Variants in AFF3 observed in about 807,000 individuals in gnomAD.
AFF3 encodes AF4/FMR2 family member 3.
In AFF3, 32 loss-of-function variants were observed where a neutral mutation model predicts 129.7. That is an observed-to-expected ratio of 0.25 (90% CI 0.19 to 0.33). The LOEUF (loss-of-function observed/expected upper bound fraction) is 0.33, where lower values mean the gene tolerates loss of function less well. Ranked by LOEUF, AFF3 falls within the 10% of genes least tolerant of loss-of-function variation. The pLI, the probability that AFF3 is intolerant of heterozygous loss-of-function variation, is 1.00. For synonymous variants in AFF3, 644 were observed against 635.4 expected (o/e 1.01, Z -0.20); for missense variants, 1,373 against 1,592.0 (o/e 0.86, Z 2.34).
Position 100,085,727 on chromosome 2 carries a change from C to T in AFF3, c.53+18675G>A, listed in dbSNP as rs182357371. On this transcript the variant is annotated intron_variant, in intron 4 of 24. Coordinates refer to ENST00000672756, the MANE Select transcript of AFF3 (RefSeq NM_001386135.1). ...GGCTGGAAAGATGATCTCTAAGGTT[C>T]CTTCCAGACAGATCTAACAGTCCAA... Among the ~76,000 whole-genome samples the T allele has an allele frequency of 5.0e-3, 763 of 152,212 alleles. 5 individuals are homozygous for T. Among genetic ancestry groups the T allele is most frequent in the Middle Eastern group, 0.041 (12 of 294 alleles).
intron 11 of AFF3, among the ~76,000 whole-genome samples, chr2:99,726,864 G>A (rs980023249): frequency 1.3e-5 from 2 of 152,174 alleles, no homozygotes; most frequent in East Asian, 1.9e-4. Context: ...TTCATAAAGA[G>A]AAGCATTTGC....
intron 18 of AFF3, among the ~76,000 whole-genome samples, chr2:99,572,310 T>C (rs867088595): frequency 0.1 from 435 of 4,298 alleles, 15 homozygotes; most frequent in African/African-American, 0.22. Flanking sequence ...CCCCCCCACC[T>C]AGAAACACAC....
At chr2:100,091,431 C>T (rs1403025854) in intron 4 of AFF3, among the ~76,000 whole-genome samples, 1 of 144,382 alleles carries the variant, frequency 6.9e-6, no homozygotes, top group African/African-American at 2.6e-5. Flanking sequence ...ATTAGACAAG[C>T]TCACTAATTT....
At chr2:99,840,593 T>C (rs947861418) in intron 7 of AFF3, among the ~76,000 whole-genome samples, 1 of 152,178 alleles carries the variant, frequency 6.6e-6, no homozygotes, top group Non-Finnish European at 1.5e-5. Context: ...CCCTTTCCTA[T>C]ACTCATCCTT....
In AFF3 at chr2:99,665,000, G is replaced by A. The variant is rs143758521; in HGVS notation, c.1143+7538C>T. Among the ~76,000 whole-genome samples, 1,469 of 152,362 alleles carry A rather than the reference G, an allele frequency of 9.6e-3. 17 individuals carry two copies. The highest frequency in any genetic ancestry group is 0.022 in the South Asian group (108 of 4,830). Reference sequence around the variant, plus strand: ...TTATGCTGTGCCTCCAACATGAGTAGGTGTTAGCAAGGCAAAAGTGAGGGA... The same window carrying A: ...TTATGCTGTGCCTCCAACATGAGTAAGTGTTAGCAAGGCAAAAGTGAGGGA... On this transcript the variant is annotated intron_variant, in intron 12 of 24. Transcript: ENST00000672756.
At chr2:99,565,936 G>A (rs1170550465) in intron 19 of AFF3, among the ~76,000 whole-genome samples, 1 of 152,278 alleles carries the variant, frequency 6.6e-6, no homozygotes, top group Admixed American at 6.5e-5. Context: ...ATGGTTTGGC[G>A]ACTTCATTCC....
intron 21 of AFF3, among the ~76,000 whole-genome samples, chr2:99,559,241 C>T (rs1244979742): frequency 1.3e-5 from 2 of 151,536 alleles, no homozygotes; most frequent in Middle Eastern, 3.5e-3. Flanking sequence ...CAGGGGCCGG[C>T]CGCTTCCTTC....
intron 4 of AFF3, among the ~76,000 whole-genome samples, chr2:100,037,145 C>T (rs1205871646): frequency 6.6e-6 from 1 of 151,784 alleles, no homozygotes; most frequent in African/African-American, 2.4e-5. Context: ...TTCACCATAG[C>T]ACATGTTCAT....
chr2:100,142,041 A>C (rs563922659), intron 1 of AFF3, among the ~76,000 whole-genome samples: 5 of 152,268 alleles, frequency 3.3e-5, no homozygotes, highest in South Asian at 2.1e-4. Flanking sequence ...CACTGGGGCC[A>C]TTGACTGGGA....
chr2:99,829,716 T>C (rs1218701410), intron 8 of AFF3, among the ~76,000 whole-genome samples: 2 of 152,128 alleles, frequency 1.3e-5, no homozygotes, highest in African/African-American at 4.8e-5. Context: ...GTGGAAGACA[T>C]TGTGGCGATT....
At chr2:100,105,992 G>GGATCC in intron 2 of AFF3, 1 of 1,324,672 alleles carries the variant, frequency 7.5e-7, no homozygotes. Flanking sequence ...GCAAGTGACG[G>GGATCC]GATCCCTCCA....
At chr2:99,643,129 G>A (rs1005039066) in intron 13 of AFF3, among the ~76,000 whole-genome samples, 8 of 133,780 alleles carry the variant, frequency 6.0e-5, no homozygotes, top group Non-Finnish European at 1.2e-4. Context: ...GTGTGATCTC[G>A]GCTCACTGCA....
chr2:99,712,964 CT>C (rs1302965022), intron 11 of AFF3, among the ~76,000 whole-genome samples: 3 of 152,210 alleles, frequency 2.0e-5, no homozygotes, highest in Non-Finnish European at 2.9e-5. Flanking sequence ...GGACATTACA[CT>C]TTGGAAAATA....
chr2:99,922,713 A>G (rs1695938924), intron 7 of AFF3, among the ~76,000 whole-genome samples: 1 of 152,162 alleles, frequency 6.6e-6, no homozygotes, highest in African/African-American at 2.4e-5. Flanking sequence ...ACCTCAAAGA[A>G]AGTAATACCG....
At position 99,864,656 on chromosome 2, in the gene AFF3, G is replaced by A. The variant is rs147616031; in HGVS notation, c.874-27132C>T. The stretch of plus-strand genomic sequence containing the variant: ...AAACACTCTGCTGCGACTGGTACCC[G>A]ACAAACCAACAATGAGCAATGAGAA... On this transcript the variant is annotated intron_variant, in intron 7 of 24. Coordinates refer to ENST00000672756, the MANE Select transcript of AFF3 (RefSeq NM_001386135.1). Among the ~76,000 whole-genome samples the A allele has an allele frequency of 5.9e-5, 9 of 152,222 alleles. No homozygotes were observed. The East Asian group carries it at 9.7e-4, about 16-fold the overall frequency.
chr2:99,904,785 A>G (rs113686327), intron 7 of AFF3, among the ~76,000 whole-genome samples: 225 of 152,204 alleles, frequency 1.5e-3, no homozygotes, highest in African/African-American at 5.1e-3. Flanking sequence ...GGCCCGTTCC[A>G]TAGCCTGTCT....
chr2:100,087,285 T>C (rs1252244806), intron 4 of AFF3, among the ~76,000 whole-genome samples: 3 of 152,174 alleles, frequency 2.0e-5, no homozygotes, highest in African/African-American at 7.2e-5. Flanking sequence ...CATACTTATA[T>C]AAATAATTAT....
chr2:99,585,393 T>C (rs1348352489), intron 16 of AFF3, among the ~76,000 whole-genome samples: 1 of 152,160 alleles, frequency 6.6e-6, no homozygotes, highest in Non-Finnish European at 1.5e-5. Flanking sequence ...TGGTAAAACT[T>C]GATAGTAGTA....
intron 11 of AFF3, among the ~76,000 whole-genome samples, chr2:99,699,340 G>A (rs1244061722): frequency 6.6e-6 from 1 of 152,066 alleles, no homozygotes; most frequent in Admixed American, 6.5e-5. Flanking sequence ...TGGGCCACTG[G>A]GTCATGGGCA....
Sources: allele counts gnomAD v4.1 joint callset (sites outside exome capture counted in the v4.1 genomes callset), GRCh38; gene constraint gnomAD v4.1.1; transcripts MANE v1.5; gene names NCBI Gene and HGNC (gene_info 2026-07-23, HGNC 2026-07-21).